CCNF: variants seen among roughly 807,000 people sequenced by gnomAD.
CCNF encodes cyclin F.
CCNF carries 30 observed loss-of-function variants against 85.4 expected under a neutral mutation model. That is an observed-to-expected ratio of 0.35 (90% CI 0.26 to 0.48). The LOEUF (loss-of-function observed/expected upper bound fraction) is 0.48, where lower values mean the gene tolerates loss of function less well. CCNF is among the 20% of genes least tolerant of loss of function. The pLI is 0.99. For missense variants in CCNF, 919 were observed against 1,010.4 expected (o/e 0.91, Z 1.23); for synonymous variants, 439 against 425.1 (o/e 1.03, Z -0.40).
At position 2,452,146 on chromosome 16, in the gene CCNF, G is replaced by A. The variant is rs903488188; in HGVS notation, c.1488-1064G>A. Among the ~76,000 whole-genome samples, 26 of 152,308 alleles carry A rather than the reference G, an allele frequency of 1.7e-4. No homozygotes were observed. The highest frequency in any genetic ancestry group is 3.4e-3 in the Middle Eastern group (1 of 294). ...CCTGGAACACTGTGGCAGCCGCCCC[G>A]CACATGTCCCGTGTACGTCACCCAG... On this transcript the variant is annotated intron_variant, in intron 13 of 16. Coordinates refer to ENST00000397066, the MANE Select transcript of CCNF (RefSeq NM_001761.3). This position sits in a 1 kb window ranked among gnomAD's most constrained non-coding sequence, Gnocchi z 4.1.
chr16:2,443,898 G>T, intron 9 of CCNF, 98 bp downstream of exon 9: 1 of 1,150,246 alleles, frequency 8.7e-7, no homozygotes, highest in South Asian at 1.5e-5. Context: ...ACCTGTGACA[G>T]GGCGGCATAG....
intron 2 of CCNF, among the ~76,000 whole-genome samples, chr16:2,432,752 G>T (rs2065269158): frequency 6.6e-6 from 1 of 152,186 alleles, no homozygotes; most frequent in Non-Finnish European, 1.5e-5. Context: ...CCTCTGCCCT[G>T]CTTTAGAACC....
In CCNF at chr16:2,455,502, G is replaced by C; in HGVS notation, c.1823G>C (p.Ser608Thr). The C allele has an allele frequency of 6.2e-7, 1 of 1,607,150 alleles. No homozygotes were observed. The highest frequency in any genetic ancestry group is 8.5e-7 in the Non-Finnish European group (1 of 1,174,548). ...CTGCTGGGCAGCTTCCTCGACTGGA[G>C]CCTGGACTGCTGCTCTGGCTATGAA... ...ETLLGSFLDW[S>T]LDCCSGYEGD... is the part of the protein sequence containing the mutation. Residue 608 changes from serine (S) to threonine (T), a missense_variant, in exon 16 of 17, where the codon AGC becomes ACC. Physicochemically the swap from Ser to Thr is moderately conservative, Grantham distance 58. This residue lies in a region of CCNF where 505 missense variants were observed against 514.8 expected (regional missense o/e 0.98). Coordinates refer to ENST00000397066, the MANE Select transcript of CCNF (RefSeq NM_001761.3).
intron 6 of CCNF, among the ~76,000 whole-genome samples, chr16:2,438,760 G>T (rs1238138294): frequency 6.6e-6 from 1 of 151,618 alleles, no homozygotes; most frequent in Non-Finnish European, 1.5e-5. Context: ...ACCTTGGGAG[G>T]CCGAGGCGGG....
intron 8 of CCNF, among the ~76,000 whole-genome samples, chr16:2,441,824 A>G (rs754219533): frequency 8.0e-5 from 12 of 150,170 alleles, no homozygotes; most frequent in Admixed American, 2.0e-4. Flanking sequence ...GCCAAAAAAA[A>G]TTAATAATAA....
chr16:2,433,240 C>T (rs890625796), intron 3 of CCNF, among the ~76,000 whole-genome samples, 173 bp downstream of exon 3: 1 of 152,174 alleles, frequency 6.6e-6, no homozygotes, highest in Non-Finnish European at 1.5e-5. Flanking sequence ...TCAGGCCGCA[C>T]AAGCCACACA....
intron 12 of CCNF, 30 bp downstream of exon 12, chr16:2,449,492 G>A: frequency 6.3e-7 from 1 of 1,583,966 alleles, no homozygotes; most frequent in Non-Finnish European, 8.6e-7. Flanking sequence ...AGGGATGCCT[G>A]TGTCGGGGAA....
intron 1 of CCNF, among the ~76,000 whole-genome samples, chr16:2,430,092 A>G (rs1056903031): frequency 6.6e-6 from 1 of 152,144 alleles, no homozygotes; most frequent in Non-Finnish European, 1.5e-5. Context: ...GCCCTGGAAT[A>G]CGTTTGGCTT....
Position 2,443,683 on chromosome 16 carries a change from A to C in CCNF, c.812A>C (p.Gln271Pro), listed in dbSNP as rs753937291. The change falls in exon 9 of 17, where the codon CAG becomes CCG. Residue 271 changes from glutamine to proline, a missense_variant. By Grantham distance (76) the Gln-to-Pro change is moderately conservative. Around this residue, in one of 3 missense-constraint regions of CCNF, gnomAD observed 410 missense variants for 478.6 expected, o/e 0.86. Transcript: ENST00000397066. The part of the protein sequence containing the change: ...SLAKACANAN[Q>P]LGLEVRASSE... ...GCCAAAGCCTGTGCAAATGCAAACC[A>C]GCTTGGACTGGAGGTGAGAGCTTCC... 18 of 1,614,012 alleles carry C rather than the reference A, an allele frequency of 1.1e-5. No homozygotes were observed. The Admixed American group carries it at 2.7e-4, about 24-fold the overall frequency.
chr16:2,438,491 A>C (rs919441396), intron 6 of CCNF, among the ~76,000 whole-genome samples: 1 of 152,048 alleles, frequency 6.6e-6, no homozygotes, highest in Admixed American at 6.6e-5. Context: ...AAACACAAAA[A>C]TTAGCTGGGC....
chr16:2,429,643 T>G, intron 1 of CCNF, 146 bp downstream of exon 1: 1 of 868,508 alleles, frequency 1.2e-6, no homozygotes. Flanking sequence ...GGATGTCGCG[T>G]CCCGCGCAGG....
chr16:2,455,335 G>A, intron 15 of CCNF, 60 bp from the exon 16 acceptor site: 1 of 1,490,924 alleles, frequency 6.7e-7, no homozygotes, highest in South Asian at 1.4e-5. Flanking sequence ...GGTGTGGAGG[G>A]CCTGGCCTCC....
At chr16:2,445,729 GT>G (rs34430433) in intron 10 of CCNF, 107 bp downstream of exon 10, 4,736 of 923,536 alleles carry the variant, frequency 5.1e-3, no homozygotes, top group Middle Eastern at 7.2e-3. Context: ...GTTTTGTGTT[GT>G]TTTTTTTTTT....
At chr16:2,449,781 CT>C in intron 12 of CCNF, 46 bp from the exon 13 acceptor site, 1 of 933,140 alleles carries the variant, frequency 1.1e-6, no homozygotes, top group Admixed American at 1.8e-5. Flanking sequence ...CCTCCATCCC[CT>C]CCGTCCCCTC....
At chr16:2,443,608 T>C (rs769286504) in intron 8 of CCNF, 41 bp from the exon 9 acceptor site, 8 of 1,597,986 alleles carry the variant, frequency 5.0e-6, no homozygotes, top group Admixed American at 1.7e-5. Context: ...AACTGCAACA[T>C]GGCTGCTGTC....
intron 10 of CCNF, among the ~76,000 whole-genome samples, chr16:2,447,783 G>GC (rs1222695351): frequency 6.6e-6 from 1 of 151,864 alleles, no homozygotes; most frequent in Non-Finnish European, 1.5e-5. Context: ...AGGCTGAGCT[G>GC]CCCCCCACCT....
intron 8 of CCNF, among the ~76,000 whole-genome samples, chr16:2,443,160 TA>T (rs2065341964): frequency 7.5e-6 from 1 of 133,792 alleles, no homozygotes. Context: ...TAATATATAT[TA>T]TATATAATAT....
rs9936014 is a variant in CCNF, at chr16:2,431,103, C to G, written c.17-27C>G. 7.7e-3 allele frequency: 12,382 copies of G among 1,610,384 alleles called. 644 individuals are homozygous for G. The African/African-American group carries it at 0.13, about 16-fold the overall frequency. ...TATATAGAATAATTTTTCATCTTATCAAGGCTTCTGTCTTTTTTTCCTTCA... is the reference window on the plus strand; with the variant it reads ...TATATAGAATAATTTTTCATCTTATGAAGGCTTCTGTCTTTTTTTCCTTCA... On this transcript the variant is annotated intron_variant, in intron 1 of 16. Coordinates refer to ENST00000397066, the MANE Select transcript of CCNF (RefSeq NM_001761.3).
At chr16:2,450,046 A>G in intron 13 of CCNF, 131 bp downstream of exon 13, 2 of 697,604 alleles carry the variant, frequency 2.9e-6, no homozygotes, top group Non-Finnish European at 5.2e-6. Flanking sequence ...ACCTCTACTA[A>G]AAATACAAAA....
Sources: gnomAD v4.1 joint callset for allele counts (sites outside exome capture counted in the v4.1 genomes callset) on GRCh38, gnomAD v4.1.1 for gene constraint, gnomAD v4.1.1 regional missense constraint, Gnocchi (gnomAD v3.1) non-coding constraint, MANE v1.5 for transcripts, NCBI Gene and HGNC (gene_info 2026-07-23, HGNC 2026-07-21) for gene names.